The following CA10 variants were observed in gnomAD, a reference collection of about 807,000 sequenced individuals.
The protein encoded by CA10 is carbonic anhydrase-related protein 10.
In CA10, 14 loss-of-function variants were observed where a neutral mutation model predicts 44.2. The ratio of observed to expected loss-of-function variants is 0.32; its 90% CI spans 0.21 to 0.50. The LOEUF (loss-of-function observed/expected upper bound fraction) is 0.50. Ranked by LOEUF, CA10 falls within the 20% of genes least tolerant of loss-of-function variation. CA10 has a pLI of 0.99. For missense variants in CA10, 350 were observed against 409.7 expected, an observed-to-expected ratio of 0.85 and a Z score of 1.26; for synonymous variants, 159 against 141.6, an observed-to-expected ratio of 1.12 and a Z score of -0.87.
At chr17:51,954,910 C>CATCA (rs1363540704) in intron 2 of CA10, among the ~76,000 whole-genome samples, 2 of 152,160 alleles carry the variant, frequency 1.3e-5, no homozygotes, top group Non-Finnish European at 2.9e-5. Context: ...GAGGAAAGAA[C>CATCA]ATCAGTTCCT....
rs570146253 is a variant in CA10, at chr17:51,863,748, C to A, written c.279+67242G>T. On this transcript the variant is annotated intron_variant, in intron 3 of 8. Transcript: ENST00000451037. ...TTGTGATTAGAATACAAACAGGGAC[C>A]AACCAAAGTAAGAGATGCATAGAAA... 2.6e-5 allele frequency among the ~76,000 whole-genome samples: 4 copies of A among 152,252 alleles called. No homozygotes were observed. In the South Asian group the frequency reaches 8.3e-4, roughly 32 times the overall value.
At chr17:51,842,802 C>T (rs900682483) in intron 3 of CA10, among the ~76,000 whole-genome samples, 3 of 151,896 alleles carry the variant, frequency 2.0e-5, no homozygotes, top group Admixed American at 6.6e-5. Context: ...AACAACACAA[C>T]CTGACCCCAT....
chr17:51,969,845 G>GA (rs891177118), intron 2 of CA10, among the ~76,000 whole-genome samples: 17 of 151,534 alleles, frequency 1.1e-4, no homozygotes, highest in Non-Finnish European at 1.8e-4. Flanking sequence ...CAAAGAAACG[G>GA]AAAAAAAATA....
intron 3 of CA10, among the ~76,000 whole-genome samples, chr17:51,780,176 TG>T: frequency 1.3e-5 from 2 of 152,330 alleles, no homozygotes; most frequent in Admixed American, 6.5e-5. Flanking sequence ...AAAGAGAGTT[TG>T]TGACTTAGAT....
At chr17:51,640,377 T>G (rs895839718) in intron 6 of CA10, among the ~76,000 whole-genome samples, 8 of 152,146 alleles carry the variant, frequency 5.3e-5, no homozygotes, top group African/African-American at 1.9e-4. Context: ...CTCCCCCCTA[T>G]GTCTCACACC....
chr17:51,815,624 G>A (rs552746446), intron 3 of CA10, among the ~76,000 whole-genome samples: 13 of 152,128 alleles, frequency 8.5e-5, no homozygotes, highest in Non-Finnish European at 1.3e-4. Context: ...ACCATCTGCC[G>A]GTAAAATCCA....
chr17:51,799,396 G>A (rs904471589), intron 3 of CA10, among the ~76,000 whole-genome samples: 19 of 152,122 alleles, frequency 1.2e-4, no homozygotes, highest in African/African-American at 4.3e-4. Flanking sequence ...AACTCACTTT[G>A]TTTGCTCATC....
At chr17:51,693,830 G>A (rs889985041) in intron 4 of CA10, among the ~76,000 whole-genome samples, 1 of 152,102 alleles carries the variant, frequency 6.6e-6, no homozygotes, top group African/African-American at 2.4e-5. Context: ...CTTTTTGGTA[G>A]AACAATTTAT....
intron 4 of CA10, among the ~76,000 whole-genome samples, chr17:51,667,428 C>A (rs910923046): frequency 1.3e-5 from 2 of 152,102 alleles, no homozygotes; most frequent in African/African-American, 2.4e-5. Flanking sequence ...TACCTCCTAC[C>A]CAGTTTAAAA....
intron 3 of CA10, among the ~76,000 whole-genome samples, chr17:51,817,754 T>TC (rs1357343547): frequency 6.6e-6 from 1 of 152,134 alleles, no homozygotes; most frequent in African/African-American, 2.4e-5. Flanking sequence ...CAGTGGTACA[T>TC]CCCTTCATAT....
At chr17:52,105,729 A>G (rs964697696) in intron 1 of CA10, among the ~76,000 whole-genome samples, 5 of 152,236 alleles carry the variant, frequency 3.3e-5, no homozygotes, top group Non-Finnish European at 4.4e-5. Context: ...CCTTATTAAC[A>G]TGCTAAAGCA....
intron 2 of CA10, among the ~76,000 whole-genome samples, chr17:51,993,723 C>T (rs1035877690): frequency 6.6e-6 from 1 of 152,042 alleles, no homozygotes; most frequent in Non-Finnish European, 1.5e-5. Context: ...TAAATTTATA[C>T]ACCTCCTCTT....
chr17:51,817,780 C>G (rs1402808823), intron 3 of CA10, among the ~76,000 whole-genome samples: 1 of 152,148 alleles, frequency 6.6e-6, no homozygotes, highest in African/African-American at 2.4e-5. Context: ...GGTAGCAGTG[C>G]AGAAGATATG....
At chr17:52,006,961 ATTG>A (rs1985621506) in intron 2 of CA10, among the ~76,000 whole-genome samples, 1 of 151,514 alleles carries the variant, frequency 6.6e-6, no homozygotes, top group South Asian at 2.1e-4. Context: ...TAATTTTTTG[ATTG>A]TTGTTAAAGC....
intron 2 of CA10, among the ~76,000 whole-genome samples, chr17:51,950,448 G>C (rs1330911475): frequency 6.6e-6 from 1 of 152,114 alleles, no homozygotes; most frequent in East Asian, 1.9e-4. Context: ...GGGAACTGGA[G>C]GGTGAGAAGA....
intron 2 of CA10, among the ~76,000 whole-genome samples, chr17:52,037,778 T>C (rs535127171): frequency 6.6e-6 from 1 of 152,268 alleles, no homozygotes; most frequent in South Asian, 2.1e-4. Flanking sequence ...TTTTCTAGCC[T>C]CTGTGCCTTT....
At position 51,959,170 on chromosome 17, in the gene CA10, G is replaced by A. The variant is rs72834246; in HGVS notation, c.137-28038C>T. 6.7e-3 allele frequency among the ~76,000 whole-genome samples: 1,018 copies of A among 151,544 alleles called. 5 individuals are homozygous for A. The highest frequency in any genetic ancestry group is 0.011 in the Non-Finnish European group (746 of 67,944). On this transcript the variant is annotated intron_variant, in intron 2 of 8. Coordinates refer to ENST00000451037, the MANE Select transcript of CA10 (RefSeq NM_020178.5). ...GTCACAAAGCCTTAGACTAGTGAAA[G>A]CAGCAGCTATGCATACACCTCAAAC...
intron 3 of CA10, among the ~76,000 whole-genome samples, chr17:51,804,273 C>T (rs887682668): frequency 2.0e-5 from 3 of 152,182 alleles, no homozygotes; most frequent in African/African-American, 7.2e-5. Context: ...TCATTGATAA[C>T]ACCTGCCACA....
At chr17:52,147,241 A>G (rs1295542882) in intron 1 of CA10, among the ~76,000 whole-genome samples, 1 of 152,194 alleles carries the variant, frequency 6.6e-6, no homozygotes, top group East Asian at 1.9e-4. Context: ...TATTTGGCAT[A>G]AAATACACTC....
Sources: allele counts gnomAD v4.1 joint callset (sites outside exome capture counted in the v4.1 genomes callset), GRCh38; gene constraint gnomAD v4.1.1; transcripts MANE v1.5; gene names NCBI Gene and HGNC (gene_info 2026-07-23, HGNC 2026-07-21).